The following GRIK1 variants were observed in gnomAD, a reference collection of about 807,000 sequenced individuals.
GRIK1 encodes glutamate ionotropic receptor kainate type subunit 1.
In GRIK1, 69 loss-of-function variants were observed where a neutral mutation model predicts 105.7. That is an observed-to-expected ratio of 0.65 (90% confidence interval 0.54 to 0.80). The LOEUF (loss-of-function observed/expected upper bound fraction) is 0.80, where lower values mean the gene tolerates loss of function less well. GRIK1 is among the 30% of genes least tolerant of loss of function. The probability of loss-of-function intolerance (pLI) is 0.00; values close to 1 mark genes in which losing one functional copy is unlikely to be tolerated. For missense variants in GRIK1, 1,109 were observed against 1,167.3 expected (o/e 0.95, Z 0.73); for synonymous variants, 438 against 431.3 (o/e 1.02, Z -0.19).
chr21:29,740,076 TTAAG>T (rs1436157458), intron 1 of GRIK1, among the ~76,000 whole-genome samples: 2 of 152,216 alleles, frequency 1.3e-5, no homozygotes, highest in Non-Finnish European at 2.9e-5. Context: ...TTCTTCTGGA[TTAAG>T]TGACTATTAC....
chr21:29,574,024 CT>C (rs1027629161), intron 14 of GRIK1, among the ~76,000 whole-genome samples: 1 of 152,128 alleles, frequency 6.6e-6, no homozygotes, highest in African/African-American at 2.4e-5. Context: ...GCAGTCAAAA[CT>C]TTTTTCATGT....
In GRIK1 at chr21:29,795,027, AATTTTTT is replaced by A. The variant is rs1470872388; in HGVS notation, c.119-100971_119-100965del. Among the ~76,000 whole-genome samples, 18 of 82,154 alleles carry A rather than the reference AATTTTTT, an allele frequency of 2.2e-4. 1 individual carries two copies. Among genetic ancestry groups the A allele is most frequent in the East Asian group, 7.3e-4 (2 of 2,746 alleles). 53.9% of individuals were successfully genotyped at this position (82,154 alleles called of 152,430 possible). On this transcript the variant is annotated intron_variant, in intron 1 of 17. Coordinates refer to ENST00000327783, the MANE Select transcript of GRIK1 (RefSeq NM_001330994.2). ...CCAAGCTTCCTGATGCTTTGCTCTAAATTTTTTTTTTTTTTTTTTTTTTTTTGAGATG... is the reference window on the plus strand; with the variant it reads ...CCAAGCTTCCTGATGCTTTGCTCTAATTTTTTTTTTTTTTTTTTTGAGATG...
At chr21:29,550,058 A>G (rs930838926) in intron 16 of GRIK1, among the ~76,000 whole-genome samples, 4 of 141,922 alleles carry the variant, frequency 2.8e-5, no homozygotes, top group African/African-American at 5.1e-5. Context: ...CAGTGAGCCA[A>G]GATGGCGTGA....
At chr21:29,928,316 A>G (rs1488457085) in intron 1 of GRIK1, among the ~76,000 whole-genome samples, 1 of 152,218 alleles carries the variant, frequency 6.6e-6, no homozygotes, top group Non-Finnish European at 1.5e-5. Flanking sequence ...AGCAGTATTT[A>G]CAGCTTGAAC....
chr21:29,687,382 C>G (rs543056178), intron 3 of GRIK1, among the ~76,000 whole-genome samples: 1 of 152,136 alleles, frequency 6.6e-6, no homozygotes, highest in Admixed American at 6.5e-5. Context: ...AAGGCAAGAA[C>G]CCTGAGTCAA....
chr21:29,825,650 G>A (rs75648180), intron 1 of GRIK1, among the ~76,000 whole-genome samples: 138 of 152,118 alleles, frequency 9.1e-4, no homozygotes, highest in African/African-American at 3.2e-3. Context: ...ATCATTTTAA[G>A]AGATTACATA....
intron 1 of GRIK1, among the ~76,000 whole-genome samples, chr21:29,705,266 C>T (rs750077167): frequency 5.9e-5 from 9 of 152,156 alleles, no homozygotes; most frequent in Non-Finnish European, 1.3e-4. Context: ...GATGTGTGTG[C>T]GTATATGTTG....
chr21:29,767,399 C>T (rs1274095181), intron 1 of GRIK1, among the ~76,000 whole-genome samples: 4 of 151,920 alleles, frequency 2.6e-5, no homozygotes, highest in African/African-American at 7.3e-5. Context: ...TTAATCTAGA[C>T]AGCAATTTGC....
intron 1 of GRIK1, among the ~76,000 whole-genome samples, chr21:29,884,466 C>G (rs2069535067): frequency 6.6e-6 from 1 of 151,916 alleles, no homozygotes; most frequent in Admixed American, 6.6e-5. Flanking sequence ...ACCCCCGACT[C>G]TTTGTATTAT....
intron 7 of GRIK1, among the ~76,000 whole-genome samples, chr21:29,617,447 A>G (rs1399713726): frequency 6.6e-6 from 1 of 152,182 alleles, no homozygotes; most frequent in Non-Finnish European, 1.5e-5. Context: ...AACCGTGTGT[A>G]GTGGGAGCTC....
rs2062727874 is a variant in GRIK1, at chr21:29,651,173, T to C, written c.899A>G (p.Glu300Gly). Residue 300 changes from glutamate to glycine, a missense_variant, in exon 6 of 18, where the codon GAG becomes GGG. This residue lies in a region of GRIK1 where 612 missense variants were observed against 586.0 expected (regional missense o/e 1.04). Transcript: ENST00000327783. ...VSSIIEKWSM[E>G]RLQAPPRPET... The stretch of plus-strand genomic sequence containing the variant: ...GGGCCTGGGTGGGGCCTGCAGTCTC[T>C]CCATGGACCACTTCTCAATGATGGA... The C allele has an allele frequency of 6.2e-7, 1 of 1,613,858 alleles. No individual in the cohort carries two copies. Among genetic ancestry groups the C allele is most frequent in the South Asian group, 1.1e-5 (1 of 91,080 alleles).
At chr21:29,862,793 C>T (rs1237225008) in intron 1 of GRIK1, among the ~76,000 whole-genome samples, 2 of 152,182 alleles carry the variant, frequency 1.3e-5, no homozygotes, top group African/African-American at 4.8e-5. Context: ...CAGTCAAATG[C>T]CCCCTAGGCA....
chr21:29,773,894 C>G (rs2065876532), intron 1 of GRIK1, among the ~76,000 whole-genome samples: 1 of 152,164 alleles, frequency 6.6e-6, no homozygotes, highest in Non-Finnish European at 1.5e-5. Flanking sequence ...CAAAACAACA[C>G]ACCTTCTCAA....
chr21:29,592,797 A>G (rs1568860070), intron 9 of GRIK1, among the ~76,000 whole-genome samples: 1 of 152,176 alleles, frequency 6.6e-6, no homozygotes, highest in Non-Finnish European at 1.5e-5. Flanking sequence ...TTACCCTGTC[A>G]TGAAGGAATC....
intron 7 of GRIK1, among the ~76,000 whole-genome samples, chr21:29,609,011 T>C (rs2061675750): frequency 1.3e-5 from 2 of 151,912 alleles, no homozygotes; most frequent in South Asian, 4.1e-4. Context: ...GTTATATGGC[T>C]TTAATATCTT....
At chr21:29,788,840 C>T (rs932061720) in intron 1 of GRIK1, among the ~76,000 whole-genome samples, 4 of 152,158 alleles carry the variant, frequency 2.6e-5, no homozygotes, top group African/African-American at 9.7e-5. Context: ...GGTTCACACT[C>T]TTATGAGAAT....
intron 7 of GRIK1, among the ~76,000 whole-genome samples, chr21:29,633,582 A>G (rs2062332975): frequency 6.6e-6 from 1 of 152,190 alleles, no homozygotes; most frequent in Admixed American, 6.5e-5. Flanking sequence ...CTGTGCTATT[A>G]TAATGCAAAC....
At chr21:29,733,388 A>T (rs1022223062) in intron 1 of GRIK1, among the ~76,000 whole-genome samples, 2 of 152,094 alleles carry the variant, frequency 1.3e-5, no homozygotes, top group African/African-American at 4.8e-5. Context: ...GTCTTGCTAT[A>T]TTCTAGCTAT....
intron 1 of GRIK1, among the ~76,000 whole-genome samples, chr21:29,738,356 C>A (rs1488443827): frequency 1.3e-5 from 2 of 152,208 alleles, no homozygotes; most frequent in Admixed American, 1.3e-4. Context: ...TGAGAAGATT[C>A]CAAACTACAT....
Sources: allele counts gnomAD v4.1 joint callset (sites outside exome capture counted in the v4.1 genomes callset), GRCh38; gene constraint gnomAD v4.1.1; regional missense constraint gnomAD v4.1.1; transcripts MANE v1.5; gene names NCBI Gene and HGNC (gene_info 2026-07-23, HGNC 2026-07-21).